AGBL4: variants seen among roughly 807,000 people sequenced by gnomAD.
AGBL4 encodes cytosolic carboxypeptidase 6.
In AGBL4, 58 loss-of-function variants were observed where a neutral mutation model predicts 66.4. The observed-to-expected ratio is 0.87, with a 90% CI of 0.71 to 1.09. AGBL4 has a LOEUF of 1.09. Among genes scored for constraint, AGBL4 ranks in the 50% least tolerant of loss-of-function variants. The pLI, the probability that AGBL4 is intolerant of heterozygous loss-of-function variation, is 0.00. For synonymous variants in AGBL4, 234 were observed against 222.9 expected (o/e 1.05, Z -0.44); for missense variants, 579 against 631.0 (o/e 0.92, Z 0.88).
chr1:49,187,827 A>G (rs1245523808), intron 4 of AGBL4, among the ~76,000 whole-genome samples: 1 of 151,984 alleles, frequency 6.6e-6, no homozygotes, highest in African/African-American at 2.4e-5. Flanking sequence ...TTACCCCTTG[A>G]TATGGTTTGG....
chr1:48,852,169 C>G (rs1248116784), intron 6 of AGBL4, among the ~76,000 whole-genome samples: 1 of 152,112 alleles, frequency 6.6e-6, no homozygotes, highest in African/African-American at 2.4e-5. Flanking sequence ...ATATCAAGAT[C>G]AAATGGCAGA....
At chr1:48,791,715 T>C (rs759199904) in intron 6 of AGBL4, among the ~76,000 whole-genome samples, 11 of 152,176 alleles carry the variant, frequency 7.2e-5, no homozygotes, top group Non-Finnish European at 7.3e-5. Flanking sequence ...ATTTGTTGGA[T>C]ATGGAGACAA....
chr1:49,805,538 TA>T (rs1418815489), intron 2 of AGBL4, among the ~76,000 whole-genome samples: 3 of 152,122 alleles, frequency 2.0e-5, no homozygotes, highest in African/African-American at 7.2e-5. Context: ...AACATAGAGA[TA>T]AAAAATAGCA....
intron 3 of AGBL4, among the ~76,000 whole-genome samples, chr1:49,653,549 T>C (rs1302832359): frequency 6.6e-6 from 1 of 151,884 alleles, no homozygotes; most frequent in East Asian, 1.9e-4. Flanking sequence ...TTCTAACTCA[T>C]TGCAAAGAAA....
At chr1:48,537,015 T>C (rs1331247802) in intron 12 of AGBL4, among the ~76,000 whole-genome samples, 1 of 152,224 alleles carries the variant, frequency 6.6e-6, no homozygotes, top group Non-Finnish European at 1.5e-5. Context: ...ATTGTAATTA[T>C]CCATGGAGAT....
At chr1:48,898,531 C>T (rs986564300) in intron 5 of AGBL4, among the ~76,000 whole-genome samples, 4 of 152,186 alleles carry the variant, frequency 2.6e-5, no homozygotes, top group African/African-American at 7.2e-5. Context: ...AGTTATCTAG[C>T]TTTCCCCACA....
At chr1:48,737,221 T>A (rs1033606185) in intron 6 of AGBL4, among the ~76,000 whole-genome samples, 5 of 151,932 alleles carry the variant, frequency 3.3e-5, no homozygotes, top group Non-Finnish European at 2.9e-5. Flanking sequence ...GAGGAAGAGG[T>A]TGCAGTGAGC....
chr1:49,381,565 T>C (rs1480977115), intron 3 of AGBL4, among the ~76,000 whole-genome samples: 1 of 152,158 alleles, frequency 6.6e-6, no homozygotes, highest in African/African-American at 2.4e-5. Flanking sequence ...ATTACGGCGT[T>C]ATTCACAATA....
intron 6 of AGBL4, among the ~76,000 whole-genome samples, chr1:48,838,371 C>G (rs1373006344): frequency 5.3e-5 from 8 of 151,910 alleles, no homozygotes; most frequent in Admixed American, 5.3e-4. Flanking sequence ...AATAGAAAAC[C>G]CAGAAATAAA....
chr1:48,536,759 C>T (rs1643978153), intron 12 of AGBL4, among the ~76,000 whole-genome samples: 1 of 152,204 alleles, frequency 6.6e-6, no homozygotes. Context: ...CCTACAGAAG[C>T]ACACCTGCTC....
At chr1:49,231,922 C>G (rs1650340227) in intron 4 of AGBL4, among the ~76,000 whole-genome samples, 1 of 152,192 alleles carries the variant, frequency 6.6e-6, no homozygotes, top group African/African-American at 2.4e-5. Flanking sequence ...CTTTGCACAA[C>G]TATAGGCTTT....
chr1:49,786,173 G>A (rs1373086305), intron 2 of AGBL4, among the ~76,000 whole-genome samples: 1 of 151,842 alleles, frequency 6.6e-6, no homozygotes, highest in African/African-American at 2.4e-5. Context: ...GAGAATCCTC[G>A]CTACCATCTG....
At chr1:49,699,921 A>T (rs2124623170) in intron 2 of AGBL4, among the ~76,000 whole-genome samples, 1 of 152,044 alleles carries the variant, frequency 6.6e-6, no homozygotes, top group South Asian at 2.1e-4. Flanking sequence ...ATACCAAAAA[A>T]GTTAACTATA....
chr1:49,931,798 G>A (rs1653390404), intron 1 of AGBL4, among the ~76,000 whole-genome samples: 1 of 152,144 alleles, frequency 6.6e-6, no homozygotes, highest in Non-Finnish European at 1.5e-5. Context: ...TGAGGACCTA[G>A]AAGAGCCAAA....
chr1:49,581,772 C>T (rs987111253), intron 3 of AGBL4, among the ~76,000 whole-genome samples: 1 of 152,106 alleles, frequency 6.6e-6, no homozygotes, highest in African/African-American at 2.4e-5. Flanking sequence ...GCAGTATATG[C>T]TGGCATCTGT....
rs1216996706 is a variant in AGBL4 at position 49,448,719 on chromosome 1, A to G, written c.283-202855T>C. Among the ~76,000 whole-genome samples the G allele has an allele frequency of 2.0e-5, 3 of 152,192 alleles. No individual in the cohort carries two copies. The East Asian group carries it at 5.8e-4, about 29-fold the overall frequency. ...CAAACTAAAACAATAGATGTCCTGT[A>G]TAAATGGTATCTATGGTGAAGATTA... On this transcript the variant is annotated intron_variant, in intron 3 of 13. Coordinates refer to ENST00000371839, the MANE Select transcript of AGBL4 (RefSeq NM_032785.4).
chr1:48,681,485 G>A lies in AGBL4; in HGVS notation c.635-18244C>T, dbSNP rs370160148. Among the ~76,000 whole-genome samples the A allele has an allele frequency of 2.6e-5, 4 of 152,298 alleles. No individual in the cohort carries two copies. The East Asian group carries it at 7.7e-4, about 29-fold the overall frequency. On this transcript the variant is annotated intron_variant, in intron 6 of 13. Coordinates refer to ENST00000371839, the MANE Select transcript of AGBL4 (RefSeq NM_032785.4). ...AGGATTACTGGGGTGAGGGGGTTGG[G>A]AGCTGTGCCCTTTCTGTGGAACCAG...
rs2148459952 is a variant in AGBL4 at position 49,310,725 on chromosome 1, T to A, written c.283-64861A>T. On this transcript the variant is annotated intron_variant, in intron 3 of 13. Transcript: ENST00000371839. Reference sequence around the variant, plus strand: ...TAAGACTGTCACAGCATTTCTGTGTTCAAAGGAGGCAGCAGAAAACTGGCT... The same window carrying A: ...TAAGACTGTCACAGCATTTCTGTGTACAAAGGAGGCAGCAGAAAACTGGCT... Among the ~76,000 whole-genome samples the A allele has an allele frequency of 1.3e-5, 2 of 152,140 alleles. 1 individual carries two copies. Among genetic ancestry groups the A allele is most frequent in the South Asian group, 4.1e-4 (2 of 4,828 alleles).
chr1:49,904,625 A>C (rs1650083885), intron 1 of AGBL4, among the ~76,000 whole-genome samples: 1 of 152,186 alleles, frequency 6.6e-6, no homozygotes. Context: ...AGTTGTCAAA[A>C]AAAATGGTCA....
Sources: allele counts gnomAD v4.1 joint callset (sites outside exome capture counted in the v4.1 genomes callset), GRCh38; gene constraint gnomAD v4.1.1; transcripts MANE v1.5; gene names NCBI Gene and HGNC (gene_info 2026-07-23, HGNC 2026-07-21).